Variants in PDE8B observed in about 807,000 individuals in gnomAD.
The protein encoded by PDE8B is high affinity cAMP-specific and IBMX-insensitive 3',5'-cyclic phosphodiesterase 8B.
Under a neutral mutation model 101.3 loss-of-function variants are expected in PDE8B, and 26 were observed. The ratio of observed to expected loss-of-function variants is 0.26; its 90% confidence interval spans 0.19 to 0.36. PDE8B has a LOEUF of 0.36. Among genes scored for constraint, PDE8B ranks in the 10% least tolerant of loss-of-function variants. PDE8B has a pLI of 1.00. For synonymous variants in PDE8B, 424 were observed against 429.3 expected (o/e 0.99, Z 0.15); for missense variants, 810 against 1,163.1 (o/e 0.70, Z 4.42).
At chr5:77,288,464 A>G (rs528683583) in intron 1 of PDE8B, among the ~76,000 whole-genome samples, 1 of 152,252 alleles carries the variant, frequency 6.6e-6, no homozygotes, top group African/African-American at 2.4e-5. Context: ...GATTTTTAAA[A>G]CTTCTTTCCA....
chr5:77,291,452 T>C (rs1767326051), intron 1 of PDE8B: 3 of 1,611,204 alleles, frequency 1.9e-6, no homozygotes, highest in African/African-American at 2.7e-5. Context: ...ATGCATCCAT[T>C]GCACACACAG....
the PDE8B span, among the ~76,000 whole-genome samples, chr5:77,183,685 T>A: frequency 0.025 from 3,813 of 152,290 alleles, 162 homozygotes; most frequent in African/African-American, 0.086. Flanking sequence ...TTCATCAACA[T>A]GATCTGGGTG....
chr5:77,391,283 C>T (rs778566377), intron 10 of PDE8B, among the ~76,000 whole-genome samples: 12 of 152,156 alleles, frequency 7.9e-5, no homozygotes, highest in Middle Eastern at 3.2e-3. Context: ...AACCCAGCAC[C>T]GCTGGGGTGT....
At chr5:77,308,432 G>A (rs572763026) in intron 1 of PDE8B, among the ~76,000 whole-genome samples, 2 of 152,290 alleles carry the variant, frequency 1.3e-5, no homozygotes, top group Admixed American at 1.3e-4. Context: ...GGATGGTAGA[G>A]ATACGAGAGG....
intron 1 of PDE8B, among the ~76,000 whole-genome samples, chr5:77,302,358 A>G (rs952284862): frequency 6.6e-6 from 1 of 152,208 alleles, no homozygotes; most frequent in African/African-American, 2.4e-5. Context: ...AAGACCAGTG[A>G]CAGTGGGGAA....
chr5:77,142,744 C>T, the PDE8B span, among the ~76,000 whole-genome samples: 318 of 152,018 alleles, frequency 2.1e-3, no homozygotes, highest in African/African-American at 7.1e-3. Context: ...CTTCCACATT[C>T]CCCAAATTAT....
the PDE8B span, among the ~76,000 whole-genome samples, chr5:77,143,257 C>G: frequency 6.6e-6 from 1 of 152,190 alleles, no homozygotes; most frequent in Non-Finnish European, 1.5e-5. Flanking sequence ...AACCTGATAT[C>G]ATTATTGCTC....
At chr5:77,345,152 G>A (rs1184428440) in intron 7 of PDE8B, among the ~76,000 whole-genome samples, 1 of 152,096 alleles carries the variant, frequency 6.6e-6, no homozygotes, top group Non-Finnish European at 1.5e-5. Flanking sequence ...CAATTTCTTT[G>A]ACAGAAATGG....
In PDE8B at chr5:77,329,094, T is replaced by C. The variant is rs58410936; in HGVS notation, c.650+37T>C. The stretch of plus-strand genomic sequence containing the variant: ...TCCCATTCCCAGATGGAAGGAGTAC[T>C]GTTCATTCTGAAATATTTGTCAGAT... On this transcript the variant is annotated intron_variant, in intron 4 of 21. Coordinates refer to ENST00000264917, the MANE Select transcript of PDE8B (RefSeq NM_003719.5). 1.0e-3 allele frequency: 1,563 copies of C among 1,514,510 alleles called. 17 individuals are homozygous for C. In the African/African-American group the frequency reaches 0.019, roughly 19 times the overall value. 93.8% of individuals were successfully genotyped at this position (1,514,510 alleles called of 1,614,324 possible).
intron 10 of PDE8B, among the ~76,000 whole-genome samples, chr5:77,365,208 CAACA>C (rs1358703399): frequency 6.6e-6 from 1 of 152,144 alleles, no homozygotes; most frequent in Non-Finnish European, 1.5e-5. Context: ...AAGAAAACAA[CAACA>C]ACAAAAACAG....
chr5:77,149,271 G>A, the PDE8B span, among the ~76,000 whole-genome samples: 1 of 152,162 alleles, frequency 6.6e-6, no homozygotes, highest in African/African-American at 2.4e-5. Flanking sequence ...TATTCATGTG[G>A]CTTTGTAGTA....
In PDE8B at chr5:77,211,005, G is replaced by T. The variant is rs753080883; in HGVS notation, c.80G>T (p.Arg27Leu). The T allele has an allele frequency of 1.3e-6, 2 of 1,548,976 alleles. No individual in the cohort carries two copies. Among genetic ancestry groups the T allele is most frequent in the East Asian group, 2.5e-5 (1 of 39,228 alleles). The stretch of plus-strand genomic sequence containing the variant: ...GACTCGGACGAGTCCAGCTCGCCCC[G>T]CCAGACCACCAGCGTGTCGCAGGGC... ...CRDSDESSSP[R>L]QTTSVSQGPA... Residue 27 changes from arginine (R) to leucine (L), a missense_variant, in exon 1 of 22, where the codon CGC (arginine) becomes CTC (leucine). This residue lies in a region of PDE8B where 159 missense variants were observed against 146.6 expected (regional missense o/e 1.08). Coordinates refer to ENST00000264917, the MANE Select transcript of PDE8B (RefSeq NM_003719.5). The surrounding 1 kb of genome is among the most constrained non-coding windows in gnomAD (Gnocchi z 4.1).
At chr5:77,389,722 T>C (rs1413805525) in intron 10 of PDE8B, among the ~76,000 whole-genome samples, 6 of 152,228 alleles carry the variant, frequency 3.9e-5, no homozygotes, top group Non-Finnish European at 7.3e-5. Context: ...GAGTGTATAC[T>C]GTCACGGTTG....
the PDE8B span, among the ~76,000 whole-genome samples, chr5:77,126,380 C>T: frequency 7.9e-5 from 12 of 152,060 alleles, no homozygotes; most frequent in Non-Finnish European, 1.8e-4. Flanking sequence ...AATTGAAGAG[C>T]TTGATGGAAT....
rs1797959028 is a variant in PDE8B at position 77,425,781 on chromosome 5, G to C, written c.2433G>C (p.Lys811Asn). 1 of 1,613,778 alleles carries C rather than the reference G, an allele frequency of 6.2e-7. No individual in the cohort carries two copies. Among genetic ancestry groups the C allele is most frequent in the Non-Finnish European group, 8.5e-7 (1 of 1,179,794 alleles). Reference protein sequence around the residue: ...EEYFAQTDEEKRQGLPVVMPV... With the variant: ...EEYFAQTDEENRQGLPVVMPV... ...TTTTCTTACAGACTGATGAAGAGAA[G>C]AGACAGGGACTACCTGTGGTGATGC... The change falls in exon 21 of 22, where the codon AAG becomes AAC. Residue 811 changes from lysine (K) to asparagine (N), a missense_variant. Around this residue, in one of 4 missense-constraint regions of PDE8B, gnomAD observed 325 missense variants for 560.9 expected, o/e 0.58. Coordinates refer to ENST00000264917, the MANE Select transcript of PDE8B (RefSeq NM_003719.5).
At chr5:77,303,569 A>AAAATAAAT (rs57327578) in intron 1 of PDE8B, among the ~76,000 whole-genome samples, 73 of 148,764 alleles carry the variant, frequency 4.9e-4, no homozygotes, top group African/African-American at 1.3e-3. Flanking sequence ...ACTCCATCTC[A>AAAATAAAT]AAATAAATAA....
At chr5:77,336,286 C>T (rs1778175500) in intron 5 of PDE8B, among the ~76,000 whole-genome samples, 3 of 152,146 alleles carry the variant, frequency 2.0e-5, no homozygotes, top group Non-Finnish European at 2.9e-5. Context: ...TGTACAGCCA[C>T]CACCTCTCTC....
chr5:77,114,148 A>G, the PDE8B span: 1 of 152,220 alleles, frequency 6.6e-6, no homozygotes, highest in Middle Eastern at 3.2e-3. Context: ...TGACCCAGCA[A>G]TTCCATTACT....
chr5:77,095,592 C>G, the PDE8B span, among the ~76,000 whole-genome samples: 1 of 152,176 alleles, frequency 6.6e-6, no homozygotes, highest in Non-Finnish European at 1.5e-5. Flanking sequence ...ATTGTTTGTG[C>G]TATTCATCAT....
Sources: gnomAD v4.1 joint callset for allele counts (sites outside exome capture counted in the v4.1 genomes callset) on GRCh38, gnomAD v4.1.1 for gene constraint, gnomAD v4.1.1 regional missense constraint, Gnocchi (gnomAD v3.1) non-coding constraint, MANE v1.5 for transcripts, NCBI Gene and HGNC (gene_info 2026-07-23, HGNC 2026-07-21) for gene names.